Variants in ZNF518B observed in about 807,000 individuals in gnomAD.
ZNF518B encodes the protein zinc finger protein 518B.
Under a neutral mutation model 56.3 loss-of-function variants are expected in ZNF518B, and 23 were observed. The observed-to-expected ratio is 0.41, with a 90% confidence interval of 0.29 to 0.58. ZNF518B has a LOEUF of 0.58. Among genes scored for constraint, ZNF518B ranks in the 20% least tolerant of loss-of-function variants. The probability of loss-of-function intolerance (pLI) is 0.32; values close to 1 mark genes in which losing one functional copy is unlikely to be tolerated. For missense variants in ZNF518B, 1,460 were observed against 1,272.1 expected (o/e 1.15, Z -2.25); for synonymous variants, 529 against 465.9 (o/e 1.14, Z -1.74).
chr4:10,445,696 T>C lies in ZNF518B; in HGVS notation c.633A>G (p.Arg211=), dbSNP rs745458544. 25 of 1,614,076 alleles carry C rather than the reference T, an allele frequency of 1.5e-5. No homozygotes were observed. In the East Asian group the frequency reaches 5.6e-4, roughly 36 times the overall value. Reference sequence around the variant, plus strand: ...GTTTCGCACCTGCCCTTTCATGTACTCTCTTCGTGTGTTTGACAATATAAT... The same window carrying C: ...GTTTCGCACCTGCCCTTTCATGTACCCTCTTCGTGTGTTTGACAATATAAT... ...RNDYIVKHTK[R]VHERAGAKRP... Residue 211 remains arginine (R), a synonymous_variant, in exon 3 of 3, where the codon AGA becomes AGG. Transcript: ENST00000326756.
chr4:10,446,086 G>A lies in ZNF518B; in HGVS notation c.243C>T (p.Asp81=), dbSNP rs779129693. Residue 81 remains aspartate, a synonymous_variant, in exon 3 of 3, where the codon GAC becomes GAT. Coordinates refer to ENST00000326756, the MANE Select transcript of ZNF518B (RefSeq NM_053042.3). ...TGCACTGGAAGCAGACATACATACC[G>A]TCCTTCCCTGTACCCTTCTGCAAAT... ...LQDLQKGTGK[D]GMYVCFQCSL... The A allele has an allele frequency of 1.1e-5, 17 of 1,614,012 alleles. No individual in the cohort carries two copies. Among genetic ancestry groups the A allele is most frequent in the Admixed American group, 6.7e-5 (4 of 60,008 alleles).
chr4:10,452,870 A>T (rs990582885), intron 2 of ZNF518B: 3 of 152,348 alleles, frequency 2.0e-5, no homozygotes, highest in Admixed American at 2.0e-4. Context: ...TGCTGCCGAC[A>T]AATGTACCCA....
At position 10,443,520 on chromosome 4, in the gene ZNF518B, G is replaced by A; in HGVS notation, c.2809C>T (p.Pro937Ser). ...AAKPDQLIKC[P>S]RRNQPVIVLN... ...ACAATGACTGGCTGGTTCCGACGGG[G>A]ACACTTAATCAACTGATCTGGCTTA... The change falls in exon 3 of 3, where the codon CCC becomes TCC. Residue 937 changes from proline to serine, a missense_variant. Pro to Ser is a moderately conservative substitution (Grantham distance 74). Transcript: ENST00000326756. 1.2e-6 allele frequency: 2 copies of A among 1,613,902 alleles called. No individual in the cohort carries two copies. Among genetic ancestry groups the A allele is most frequent in the Non-Finnish European group, 1.7e-6 (2 of 1,179,784 alleles).
chr4:10,445,698 T>C lies in ZNF518B; in HGVS notation c.631A>G (p.Arg211Gly). The change falls in exon 3 of 3, where the codon AGA becomes GGA. Residue 211 changes from arginine (R) to glycine (G), a missense_variant. Arg to Gly is a moderately radical substitution (Grantham distance 125, BLOSUM62 -2). Coordinates refer to ENST00000326756, the MANE Select transcript of ZNF518B (RefSeq NM_053042.3). ...RNDYIVKHTK[R>G]VHERAGAKRP... ...TTCGCACCTGCCCTTTCATGTACTCTCTTCGTGTGTTTGACAATATAATCA... is the reference window on the plus strand; with the variant it reads ...TTCGCACCTGCCCTTTCATGTACTCCCTTCGTGTGTTTGACAATATAATCA... 1 of 1,614,196 alleles carries C rather than the reference T, an allele frequency of 6.2e-7. No homozygotes were observed. Among genetic ancestry groups the C allele is most frequent in the Non-Finnish European group, 8.5e-7 (1 of 1,180,038 alleles).
At chr4:10,451,316 C>T (rs1715302106) in intron 2 of ZNF518B, 1 of 152,126 alleles carries the variant, frequency 6.6e-6, no homozygotes, top group Non-Finnish European at 1.5e-5. Context: ...ACATCTAATG[C>T]TCAATAAAAT....
At position 10,446,330 on chromosome 4, in the gene ZNF518B, T is replaced by C. The variant is rs771822272; in HGVS notation, c.-2A>G. ...TAGCTGCTGTCCAATATCCTTCATC[T>C]TATCTGCATTTCTAAAAAGAGCCAA... On this transcript the variant is annotated 5_prime_UTR_variant, in exon 3 of 3. Coordinates refer to ENST00000326756, the MANE Select transcript of ZNF518B (RefSeq NM_053042.3). 1.3e-6 allele frequency: 2 copies of C among 1,598,386 alleles called. No homozygotes were observed. Among genetic ancestry groups the C allele is most frequent in the Non-Finnish European group, 1.7e-6 (2 of 1,171,436 alleles).
chr4:10,444,403 T>A lies in ZNF518B; in HGVS notation c.1926A>T (p.Gly642=). 6.2e-7 allele frequency: 1 copy of A among 1,614,200 alleles called. No individual in the cohort carries two copies. Among genetic ancestry groups the A allele is most frequent in the Non-Finnish European group, 8.5e-7 (1 of 1,180,022 alleles). The stretch of plus-strand genomic sequence containing the variant: ...TAATGCCCTCGGGGACATTTTCAGA[T>A]CCAGAGCTCAGAGAAAATACTGATG... ...VISSVFSLSS[G]SENVPEGIKW... The change falls in exon 3 of 3, where the codon GGA becomes GGT. Residue 642 remains glycine (G), a synonymous_variant. Transcript: ENST00000326756.
chr4:10,453,144 T>A (rs1212964509), intron 2 of ZNF518B: 2 of 152,270 alleles, frequency 1.3e-5, no homozygotes, highest in African/African-American at 4.8e-5. Context: ...ATTTCTCATT[T>A]ATACAGCTGA....
Position 10,444,140 on chromosome 4 carries a change from T to G in ZNF518B, c.2189A>C (p.Asp730Ala). 6.2e-7 allele frequency: 1 copy of G among 1,614,240 alleles called. No homozygotes were observed. Among genetic ancestry groups the G allele is most frequent in the African/African-American group, 1.3e-5 (1 of 75,070 alleles). Residue 730 changes from aspartate to alanine, a missense_variant, in exon 3 of 3, where the codon GAT becomes GCT. Coordinates refer to ENST00000326756, the MANE Select transcript of ZNF518B (RefSeq NM_053042.3). ...CTGTCTATTACCAGTAATACCACCA[T>G]CATTCGGAGGTTTCTGAAGAGTACC... ...STGTLQKPPNDGGITGNRQLT... is the reference protein window; with the variant it reads ...STGTLQKPPNAGGITGNRQLT...
chr4:10,453,676 C>T (rs901394365), intron 2 of ZNF518B: 2 of 152,076 alleles, frequency 1.3e-5, no homozygotes, highest in African/African-American at 4.8e-5. Flanking sequence ...TCATGAAGCA[C>T]ATCAAATGAC....
At position 10,441,455 on chromosome 4, in the gene ZNF518B, AATC is replaced by A. The variant is rs1157526747; in HGVS notation, c.*1646_*1648del. On this transcript the variant is annotated 3_prime_UTR_variant, in exon 3 of 3. Coordinates refer to ENST00000326756, the MANE Select transcript of ZNF518B (RefSeq NM_053042.3). ...TTCCCATGTGAAAAAAAAAAAAAAA[AATC>A]AAAGTCTCCAATCGACTACCCAATA... The A allele has an allele frequency of 3.3e-5, 5 of 152,178 alleles. No individual in the cohort carries two copies. The highest frequency in any genetic ancestry group is 3.9e-4 in the East Asian group (2 of 5,164). 9.4% of individuals were successfully genotyped at this position (152,178 alleles called of 1,614,324 possible). A position where few individuals can be genotyped will look rare whatever the true frequency, so the allele number is the denominator to read the frequency against.
chr4:10,461,326 G>A (rs1211813313), upstream of ZNF518B, among the ~76,000 whole-genome samples: 1 of 152,198 alleles, frequency 6.6e-6, no homozygotes, highest in Non-Finnish European at 1.5e-5. Flanking sequence ...CACTCAGCTC[G>A]GCCGCCGCGG....
At position 10,445,131 on chromosome 4, in the gene ZNF518B, CAG is replaced by C; in HGVS notation, c.1196_1197del (p.Ser399CysfsTer10). 1 of 1,614,108 alleles carries C rather than the reference CAG, an allele frequency of 6.2e-7. No homozygotes were observed. Among genetic ancestry groups the C allele is most frequent in the Non-Finnish European group, 8.5e-7 (1 of 1,180,010 alleles). ...ACTGTCAGTGACTTTGTTTTTTCTG[CAG>C]AAAGTACTTTTTCTTGTTCATTTGA... The part of the protein sequence containing the change: ...KGSNEQEKVL[S>X]AEKTKSLTVD... On this transcript the variant is annotated frameshift_variant, in exon 3 of 3. Coordinates refer to ENST00000326756, the MANE Select transcript of ZNF518B (RefSeq NM_053042.3). LOFTEE classifies it high-confidence loss of function.
chr4:10,442,945 C>T lies in ZNF518B; in HGVS notation c.*159G>A, dbSNP rs1253871865. Reference sequence around the variant, plus strand: ...ATACATTCTGGGGTCCAATCACATACTTCAGGTTCAGACTCCTAGCTCCCA... The same window carrying T: ...ATACATTCTGGGGTCCAATCACATATTTCAGGTTCAGACTCCTAGCTCCCA... On this transcript the variant is annotated 3_prime_UTR_variant, in exon 3 of 3. Transcript: ENST00000326756. The T allele has an allele frequency of 9.3e-6, 6 of 647,124 alleles. No homozygotes were observed. Among genetic ancestry groups the T allele is most frequent in the African/African-American group, 5.5e-5 (3 of 55,032 alleles). The allele number at this position is 647,124 out of a possible 1,614,324, so 40.1% of individuals were successfully genotyped here.
chr4:10,457,314 T>C lies in ZNF518B; in HGVS notation c.-396+3A>G, dbSNP rs1715584293. The C allele has an allele frequency of 6.6e-6, 1 of 151,766 alleles. No homozygotes were observed. The highest frequency in any genetic ancestry group is 1.5e-5 in the Non-Finnish European group (1 of 67,936). The allele number at this position is 151,766 out of a possible 1,614,324, so 9.4% of individuals were successfully genotyped here. ...GCCCTCGCCCTCCCGCTCAGCTACT[T>C]ACCCGGCAGGCCGGATTCGGGTGCC... is the stretch of plus-strand genomic sequence containing the variant. On this transcript the variant is annotated splice_donor_region_variant and intron_variant, in intron 1 of 2. Coordinates refer to ENST00000326756, the MANE Select transcript of ZNF518B (RefSeq NM_053042.3).
chr4:10,445,656 C>G lies in ZNF518B; in HGVS notation c.673G>C (p.Val225Leu), dbSNP rs760911422. Residue 225 changes from valine to leucine, a missense_variant, in exon 3 of 3, where the codon GTT becomes CTT. Val to Leu is a conservative substitution (Grantham distance 32). Coordinates refer to ENST00000326756, the MANE Select transcript of ZNF518B (RefSeq NM_053042.3). ...GTTCTTTTTGGCTCCAGCTTGGCAA[C>G]AGCTTTGACTGGCCGTTTCGCACCT... ...RAGAKRPVKA[V>L]AKLEPKRTGT... is the part of the protein sequence containing the mutation. The G allele has an allele frequency of 1.2e-6, 2 of 1,614,106 alleles. No homozygotes were observed. Among genetic ancestry groups the G allele is most frequent in the Non-Finnish European group, 1.7e-6 (2 of 1,180,008 alleles).
upstream of ZNF518B, among the ~76,000 whole-genome samples, chr4:10,460,364 G>C (rs1715710463): frequency 7.0e-6 from 1 of 142,230 alleles, no homozygotes; most frequent in Non-Finnish European, 1.5e-5. Flanking sequence ...TGCCCATTCA[G>C]TGCAGGCACA....
At position 10,443,361 on chromosome 4, in the gene ZNF518B, C is replaced by A; in HGVS notation, c.2968G>T (p.Val990Leu). The change falls in exon 3 of 3, where the codon GTA (valine) becomes TTA (leucine). Residue 990 changes from valine to leucine, a missense_variant. Val to Leu is a conservative substitution (Grantham distance 32, BLOSUM62 1). Coordinates refer to ENST00000326756, the MANE Select transcript of ZNF518B (RefSeq NM_053042.3). ...RCQLGIRRHH[V>L]RLTYQNAEEA... Reference sequence around the variant, plus strand: ...TCCGCATTCTGGTAGGTCAGGCGTACATGATGCCGTCTGATGCCTAGCTGA... The same window carrying A: ...TCCGCATTCTGGTAGGTCAGGCGTAAATGATGCCGTCTGATGCCTAGCTGA... 3 of 1,614,230 alleles carry A rather than the reference C, an allele frequency of 1.9e-6. No homozygotes were observed. The highest frequency in any genetic ancestry group is 2.5e-6 in the Non-Finnish European group (3 of 1,180,032).
upstream of ZNF518B, among the ~76,000 whole-genome samples, chr4:10,458,587 GCC>G (rs1465035683): frequency 6.6e-6 from 1 of 152,218 alleles, no homozygotes; most frequent in Non-Finnish European, 1.5e-5. Context: ...CCTTCTTCCT[GCC>G]CTAGGCTGCA....
Sources: allele counts gnomAD v4.1 joint callset (sites outside exome capture counted in the v4.1 genomes callset), GRCh38; gene constraint gnomAD v4.1.1; transcripts MANE v1.5; gene names NCBI Gene and HGNC (gene_info 2026-07-23, HGNC 2026-07-21).